Variants in SOX5 observed in about 807,000 individuals in gnomAD.
SOX5 encodes the protein transcription factor SOX-5.
Under a neutral mutation model 92.0 loss-of-function variants are expected in SOX5, and 9 were observed. That is an observed-to-expected ratio of 0.10 (90% confidence interval 0.06 to 0.17). SOX5 has a LOEUF of 0.17. Among genes scored for constraint, SOX5 ranks in the 10% least tolerant of loss-of-function variants. SOX5 has a pLI of 1.00. For synonymous variants in SOX5, 344 were observed against 336.3 expected, an observed-to-expected ratio of 1.02 and a Z score of -0.25; for missense variants, 642 against 944.5, an observed-to-expected ratio of 0.68 and a Z score of 4.20.
intron 6 of SOX5, among the ~76,000 whole-genome samples, chr12:23,731,530 G>A (rs1039422777): frequency 5.3e-5 from 8 of 151,928 alleles, no homozygotes; most frequent in African/African-American, 1.9e-4. Flanking sequence ...TTAATCAAAT[G>A]ATATATATTT....
chr12:23,622,074 T>C (rs1050348652), intron 8 of SOX5, among the ~76,000 whole-genome samples: 1 of 152,108 alleles, frequency 6.6e-6, no homozygotes, highest in Non-Finnish European at 1.5e-5. Context: ...AGACATGCCT[T>C]GGGGTGAAAT....
chr12:23,751,927 A>G (rs1342448722), intron 4 of SOX5, among the ~76,000 whole-genome samples: 3 of 150,604 alleles, frequency 2.0e-5, no homozygotes, highest in Non-Finnish European at 3.0e-5. Flanking sequence ...GGGGAAACAA[A>G]CCAGGCTCTA....
intron 2 of SOX5, among the ~76,000 whole-genome samples, chr12:24,307,493 G>C (rs1948710097): frequency 2.9e-5 from 1 of 34,244 alleles, no homozygotes; most frequent in African/African-American, 5.0e-5. Context: ...AAGGAAGGAA[G>C]GAAGGAAGGA....
chr12:24,106,921 T>C (rs754373730), intron 4 of SOX5, among the ~76,000 whole-genome samples: 1 of 151,680 alleles, frequency 6.6e-6, no homozygotes, highest in Non-Finnish European at 1.5e-5. Context: ...GATTAGCTGG[T>C]TTCCAACATC....
chr12:24,183,681 G>A (rs2139314268), intron 4 of SOX5, among the ~76,000 whole-genome samples: 1 of 152,238 alleles, frequency 6.6e-6, no homozygotes, highest in South Asian at 2.1e-4. Context: ...CTTCCTGAAA[G>A]TGCCACATTG....
In SOX5 at chr12:24,098,589, C is replaced by T. The variant is rs58240364; in HGVS notation, c.-2+114754G>A. The stretch of plus-strand genomic sequence containing the variant: ...TGAATGTTATCACTGTCTTGATAAA[C>T]TAAATATTGTTCTTGAATATCAGAA... On this transcript the variant is annotated intron_variant, in intron 4 of 4. Transcript: ENST00000446891. 4.2e-3 allele frequency among the ~76,000 whole-genome samples: 646 copies of T among 152,220 alleles called. 5 individuals are homozygous for T. Among genetic ancestry groups the T allele is most frequent in the African/African-American group, 0.015 (624 of 41,544 alleles).
chr12:24,080,576 GTC>G (rs1414258036), intron 4 of SOX5, among the ~76,000 whole-genome samples: 1 of 151,888 alleles, frequency 6.6e-6, no homozygotes, highest in Non-Finnish European at 1.5e-5. Context: ...GGTTTCTATT[GTC>G]TGTCTATTTA....
intron 4 of SOX5, among the ~76,000 whole-genome samples, chr12:23,966,616 T>C (rs1028899515): frequency 2.0e-5 from 3 of 151,990 alleles, no homozygotes; most frequent in Admixed American, 1.3e-4. Context: ...TGAGAAGTGA[T>C]ATAATGAATA....
intron 7 of SOX5, among the ~76,000 whole-genome samples, chr12:23,661,461 C>A (rs184686091): frequency 2.0e-5 from 3 of 152,272 alleles, no homozygotes; most frequent in East Asian, 1.9e-4. Context: ...CATCAACCAC[C>A]TTTTCTCAAA....
At chr12:24,117,475 T>C (rs1948141811) in intron 4 of SOX5, among the ~76,000 whole-genome samples, 1 of 150,792 alleles carries the variant, frequency 6.6e-6, no homozygotes, top group Non-Finnish European at 1.5e-5. Flanking sequence ...TATATATACG[T>C]AAAGGAATTG....
chr12:23,617,803 C>T (rs572697630), intron 8 of SOX5, among the ~76,000 whole-genome samples: 1 of 152,056 alleles, frequency 6.6e-6, no homozygotes, highest in South Asian at 2.1e-4. Context: ...AACATTTTGA[C>T]TTTTATAATT....
intron 1 of SOX5, among the ~76,000 whole-genome samples, chr12:23,927,405 C>G (rs913893846): frequency 1.3e-5 from 2 of 152,184 alleles, no homozygotes; most frequent in East Asian, 3.9e-4. Context: ...CTCCTTCTCT[C>G]TCTCCTTTTT....
At chr12:23,809,907 T>C (rs1328371129) in intron 3 of SOX5, among the ~76,000 whole-genome samples, 1 of 152,058 alleles carries the variant, frequency 6.6e-6, no homozygotes, top group East Asian at 1.9e-4. Context: ...ACTGAAATTA[T>C]ATAGTAAATG....
At chr12:24,422,841 T>C (rs1279814359) in intron 1 of SOX5, among the ~76,000 whole-genome samples, 3 of 152,154 alleles carry the variant, frequency 2.0e-5, no homozygotes, top group African/African-American at 7.2e-5. Flanking sequence ...TGAGATCCCA[T>C]TCCTACAAAA....
At chr12:24,086,256 A>T (rs1943984167) in intron 4 of SOX5, among the ~76,000 whole-genome samples, 1 of 151,960 alleles carries the variant, frequency 6.6e-6, no homozygotes, top group Non-Finnish European at 1.5e-5. Flanking sequence ...GAAATAATTG[A>T]AAATCTGTGA....
intron 2 of SOX5, among the ~76,000 whole-genome samples, chr12:23,870,021 C>A (rs528719998): frequency 6.6e-6 from 1 of 152,130 alleles, no homozygotes; most frequent in Non-Finnish European, 1.5e-5. Flanking sequence ...AAAATGAGTT[C>A]TCTCCCATGT....
intron 4 of SOX5, among the ~76,000 whole-genome samples, chr12:24,158,657 T>A (rs1952441192): frequency 6.6e-6 from 1 of 151,982 alleles, no homozygotes; most frequent in African/African-American, 2.4e-5. Context: ...ATTGTTCAAA[T>A]TCTTTTTGGA....
chr12:24,334,049 G>A (rs775323453), intron 2 of SOX5, among the ~76,000 whole-genome samples: 1 of 151,550 alleles, frequency 6.6e-6, no homozygotes, highest in Non-Finnish European at 1.5e-5. Flanking sequence ...TTTAATGAAT[G>A]AATTGGGGAA....
At chr12:24,368,647 A>G (rs1430689611) in intron 1 of SOX5, 4 of 152,220 alleles carry the variant, frequency 2.6e-5, no homozygotes, top group African/African-American at 9.6e-5. Context: ...CACCTGGGAT[A>G]TAACACACAC....
Sources: gnomAD v4.1 joint callset for allele counts (sites outside exome capture counted in the v4.1 genomes callset) on GRCh38, gnomAD v4.1.1 for gene constraint, MANE v1.5 for transcripts, NCBI Gene and HGNC (gene_info 2026-07-23, HGNC 2026-07-21) for gene names.